The following SLC24A3 variants were observed in gnomAD, a reference collection of about 807,000 sequenced individuals.
The protein encoded by SLC24A3 is sodium/potassium/calcium exchanger 3.
A neutral mutation model predicts 75.8 loss-of-function variants in SLC24A3; 28 were observed. The observed-to-expected ratio is 0.37, with a 90% CI of 0.27 to 0.51. The LOEUF is 0.51. Ranked by LOEUF, SLC24A3 falls within the 20% of genes least tolerant of loss-of-function variation. SLC24A3 has a pLI of 0.94. For synonymous variants in SLC24A3, 372 were observed against 334.1 expected, an observed-to-expected ratio of 1.11 and a Z score of -1.24; for missense variants, 663 against 847.8, an observed-to-expected ratio of 0.78 and a Z score of 2.71.
At chr20:19,439,228 A>G (rs906159924) in intron 2 of SLC24A3, among the ~76,000 whole-genome samples, 3 of 152,214 alleles carry the variant, frequency 2.0e-5, no homozygotes, top group African/African-American at 7.2e-5. Flanking sequence ...GGAGCATGGG[A>G]TGCTGCTGGG....
At chr20:19,526,068 G>T (rs997979991) in intron 3 of SLC24A3, among the ~76,000 whole-genome samples, 2 of 152,134 alleles carry the variant, frequency 1.3e-5, no homozygotes, top group African/African-American at 2.4e-5. Context: ...CCCTCCGCGG[G>T]TGTGCTGTGT....
chr20:19,303,464 A>G lies in SLC24A3; in HGVS notation c.271+22377A>G, dbSNP rs1233593051. Among the ~76,000 whole-genome samples, 12 of 152,214 alleles carry G rather than the reference A, an allele frequency of 7.9e-5. No homozygotes were observed. In the East Asian group the frequency reaches 1.3e-3, roughly 17 times the overall value. On this transcript the variant is annotated intron_variant, in intron 2 of 16. Coordinates refer to ENST00000328041, the MANE Select transcript of SLC24A3 (RefSeq NM_020689.4). The stretch of plus-strand genomic sequence containing the variant: ...CCTTGCTATTGTGAATAGTGCTGCA[A>G]TGAACATATGCGTGCCTGTATCTTT...
chr20:19,323,130 C>T (rs986599233), intron 2 of SLC24A3, among the ~76,000 whole-genome samples: 5 of 142,026 alleles, frequency 3.5e-5, no homozygotes, highest in Admixed American at 2.9e-4. Flanking sequence ...GGCGTGAACC[C>T]GGGAGGCGGA....
At chr20:19,498,439 C>G (rs1171180728) in intron 2 of SLC24A3, among the ~76,000 whole-genome samples, 1 of 151,908 alleles carries the variant, frequency 6.6e-6, no homozygotes, top group Non-Finnish European at 1.5e-5. Flanking sequence ...TGTGCCCCTC[C>G]CCCACCCCCA....
intron 3 of SLC24A3, among the ~76,000 whole-genome samples, chr20:19,551,427 C>T (rs1323027104): frequency 6.6e-6 from 1 of 152,178 alleles, no homozygotes; most frequent in Non-Finnish European, 1.5e-5. Flanking sequence ...AGATCATCTA[C>T]AGGTACATTG....
intron 2 of SLC24A3, among the ~76,000 whole-genome samples, chr20:19,292,245 C>T (rs955109164): frequency 5.9e-5 from 9 of 152,174 alleles, no homozygotes; most frequent in African/African-American, 2.2e-4. Context: ...TTCCAAGCAC[C>T]CACTTTGCAA....
intron 2 of SLC24A3, among the ~76,000 whole-genome samples, chr20:19,320,551 C>T (rs765467072): frequency 1.5e-4 from 23 of 152,048 alleles, no homozygotes; most frequent in Non-Finnish European, 2.5e-4. Context: ...TGCTTGGTCT[C>T]TCTCTCTCTG....
At chr20:19,678,845 C>A (rs1357471982) in intron 9 of SLC24A3, among the ~76,000 whole-genome samples, 2 of 150,884 alleles carry the variant, frequency 1.3e-5, no homozygotes, top group Admixed American at 6.6e-5. Context: ...TGGGCAGAGA[C>A]GCTCCTCACC....
intron 3 of SLC24A3, among the ~76,000 whole-genome samples, chr20:19,520,749 G>T (rs78129105): frequency 6.6e-6 from 1 of 152,072 alleles, no homozygotes; most frequent in African/African-American, 2.4e-5. Flanking sequence ...ACACCTGTCC[G>T]CACTTCTTTC....
intron 2 of SLC24A3, among the ~76,000 whole-genome samples, chr20:19,353,027 T>C (rs1000138085): frequency 2.0e-5 from 3 of 152,228 alleles, no homozygotes; most frequent in African/African-American, 7.2e-5. Context: ...TCCAGTTGCC[T>C]GGAGTATTCA....
chr20:19,640,088 C>T (rs1237824920), intron 6 of SLC24A3, among the ~76,000 whole-genome samples: 1 of 152,248 alleles, frequency 6.6e-6, no homozygotes, highest in Admixed American at 6.5e-5. Flanking sequence ...TCCCACAGTG[C>T]AGAGGTGGGC....
intron 2 of SLC24A3, among the ~76,000 whole-genome samples, chr20:19,462,090 C>T (rs1987687036): frequency 6.6e-6 from 1 of 152,128 alleles, no homozygotes. Flanking sequence ...TGGGTAAGTG[C>T]ATGTTGCAGA....
At chr20:19,546,075 C>T (rs899187373) in intron 3 of SLC24A3, among the ~76,000 whole-genome samples, 3 of 138,912 alleles carry the variant, frequency 2.2e-5, no homozygotes, top group East Asian at 2.4e-4. Flanking sequence ...AGGAAAATGG[C>T]GTGAACCCGG....
chr20:19,628,118 C>T (rs889328151), intron 6 of SLC24A3, among the ~76,000 whole-genome samples: 26 of 148,218 alleles, frequency 1.8e-4, no homozygotes, highest in African/African-American at 6.0e-4. Context: ...GCAGGAGAAT[C>T]GCTTGAACCC....
intron 2 of SLC24A3, among the ~76,000 whole-genome samples, chr20:19,373,314 G>T (rs1986023339): frequency 6.6e-6 from 1 of 152,210 alleles, no homozygotes; most frequent in Non-Finnish European, 1.5e-5. Context: ...CCCAGGTCCA[G>T]CCCCATGGTC....
intron 12 of SLC24A3, among the ~76,000 whole-genome samples, chr20:19,692,605 C>T (rs943879938): frequency 2.6e-5 from 4 of 152,150 alleles, no homozygotes; most frequent in South Asian, 4.1e-4. Context: ...TAGAAAGAGG[C>T]ACAGCAAACT....
In SLC24A3 at chr20:19,679,974, GCA is replaced by G. The variant is rs547777498; in HGVS notation, c.768-1881_768-1880del. On this transcript the variant is annotated intron_variant, in intron 9 of 16. Transcript: ENST00000328041. ...AGCGTTGATTATATCCCATGATGTG[GCA>G]CAGTCTGTTCCCTTGGCCTCTGTGT... 3.8e-3 allele frequency among the ~76,000 whole-genome samples: 579 copies of G among 151,262 alleles called. 5 individuals are homozygous for G. Among genetic ancestry groups the G allele is most frequent in the African/African-American group, 0.013 (534 of 41,150 alleles).
rs768085705 is a variant in SLC24A3, at chr20:19,717,545, G to A, written c.1737G>A (p.Arg579=). The change falls in exon 16 of 17, where the codon AGG becomes AGA. Residue 579 remains arginine (R), a synonymous_variant. Coordinates refer to ENST00000328041, the MANE Select transcript of SLC24A3 (RefSeq NM_020689.4). ...DYGSYIRLNS[R]GLIYSVGLLL... ...TCTTACAGATCCGGCTGAATAGCAG[G>A]GGGCTGATCTACTCCGTAGGCTTGC... is the stretch of plus-strand genomic sequence containing the variant. 21 of 1,613,952 alleles carry A rather than the reference G, an allele frequency of 1.3e-5. No homozygotes were observed. Among genetic ancestry groups the A allele is most frequent in the East Asian group, 2.2e-5 (1 of 44,890 alleles).
At chr20:19,656,385 T>TTCAGAATG (rs11281390) in intron 7 of SLC24A3, among the ~76,000 whole-genome samples, 90,894 of 151,194 alleles carry the variant, frequency 0.6, 27,529 homozygotes, top group Non-Finnish European at 0.64. Flanking sequence ...AGCAGAGAGG[T>TTCAGAATG]TCATGCTGGA....
Sources: gnomAD v4.1 joint callset for allele counts (sites outside exome capture counted in the v4.1 genomes callset) on GRCh38, gnomAD v4.1.1 for gene constraint, MANE v1.5 for transcripts, NCBI Gene and HGNC (gene_info 2026-07-23, HGNC 2026-07-21) for gene names.